The following SHOC2 variants were observed in gnomAD, a reference collection of about 807,000 sequenced individuals.
The protein encoded by SHOC2 is SHOC2 leucine rich repeat scaffold protein, also known as leucine-rich repeat protein SHOC-2.
A neutral mutation model predicts 50.2 loss-of-function variants in SHOC2; 4 were observed. That is an observed-to-expected ratio of 0.08 (90% CI 0.04 to 0.18). The LOEUF is 0.18. SHOC2 is among the 10% of genes least tolerant of loss of function. The pLI is 1.00. For synonymous variants in SHOC2, 218 were observed against 244.5 expected, an observed-to-expected ratio of 0.89 and a Z score of 1.01; for missense variants, 388 against 669.6, an observed-to-expected ratio of 0.58 and a Z score of 4.64.
intron 1 of SHOC2, among the ~76,000 whole-genome samples, chr10:110,924,263 G>A (rs1215262689): frequency 3.3e-5 from 5 of 152,086 alleles, no homozygotes; most frequent in South Asian, 2.1e-4. Flanking sequence ...TGCATGAACC[G>A]GACAAGTCAA....
chr10:110,934,339 A>T (rs1449404376), intron 1 of SHOC2, among the ~76,000 whole-genome samples: 1 of 152,218 alleles, frequency 6.6e-6, no homozygotes, highest in African/African-American at 2.4e-5. Flanking sequence ...TCAGTTGATA[A>T]TAGGAATGAT....
At chr10:110,944,537 A>G (rs535140307) in intron 1 of SHOC2, among the ~76,000 whole-genome samples, 2 of 152,200 alleles carry the variant, frequency 1.3e-5, no homozygotes, top group Non-Finnish European at 2.9e-5. Flanking sequence ...TGAAAATTAC[A>G]TTTGGACATT....
chr10:110,927,950 A>T (rs1846809525), intron 1 of SHOC2, among the ~76,000 whole-genome samples: 1 of 152,210 alleles, frequency 6.6e-6, no homozygotes, highest in African/African-American at 2.4e-5. Context: ...AAAGTTTGAT[A>T]ACTCTGATAT....
At position 110,951,283 on chromosome 10, in the gene SHOC2, C is replaced by T. The variant is rs113302222; in HGVS notation, c.-234-12842C>T. Among the ~76,000 whole-genome samples, 447 of 152,230 alleles carry T rather than the reference C, an allele frequency of 2.9e-3. 2 individuals carry two copies. The highest frequency in any genetic ancestry group is 9.2e-3 in the African/African-American group (383 of 41,548). ...ATCAGGTATGTGAAAAAATGCTCAA[C>T]GTCATTAATCATCAGGGAAATGCAA... On this transcript the variant is annotated intron_variant, in intron 1 of 8. Coordinates refer to ENST00000369452, the MANE Select transcript of SHOC2 (RefSeq NM_007373.4).
At chr10:110,920,340 A>G (rs980372264) in intron 1 of SHOC2, among the ~76,000 whole-genome samples, 12 of 152,096 alleles carry the variant, frequency 7.9e-5, no homozygotes, top group Admixed American at 3.3e-4. Flanking sequence ...GCTTTTAGGG[A>G]GAGAGGAAAA....
chr10:110,968,224 T>C (rs1847715017), intron 2 of SHOC2, among the ~76,000 whole-genome samples: 1 of 152,194 alleles, frequency 6.6e-6, no homozygotes, highest in South Asian at 2.1e-4. Flanking sequence ...TATATATTTG[T>C]TTTTAATTCT....
At chr10:110,920,901 C>A (rs139227595) in intron 1 of SHOC2, among the ~76,000 whole-genome samples, 1 of 152,146 alleles carries the variant, frequency 6.6e-6, no homozygotes, top group Non-Finnish European at 1.5e-5. Flanking sequence ...TCTTAGATAC[C>A]GAGTGCGTCT....
intron 1 of SHOC2, among the ~76,000 whole-genome samples, chr10:110,956,688 C>G (rs1310722160): frequency 6.6e-6 from 1 of 152,058 alleles, no homozygotes; most frequent in African/African-American, 2.4e-5. Context: ...TGTTTTAAAT[C>G]TTACATTTAT....
rs192115374 is a variant in SHOC2, at chr10:110,953,470, T to C, written c.-234-10655T>C. Among the ~76,000 whole-genome samples, 484 of 152,314 alleles carry C rather than the reference T, an allele frequency of 3.2e-3. 26 individuals carry two copies. In the South Asian group the frequency reaches 0.092, roughly 29 times the overall value. The stretch of plus-strand genomic sequence containing the variant: ...TGTGTCTTTTTGTGGCTTGATAGCT[T>C]ATTTCATTTTAGCGCTGATTAATAT... On this transcript the variant is annotated intron_variant, in intron 1 of 8. Coordinates refer to ENST00000369452, the MANE Select transcript of SHOC2 (RefSeq NM_007373.4).
intron 1 of SHOC2, among the ~76,000 whole-genome samples, chr10:110,963,482 A>G (rs1246381498): frequency 6.6e-6 from 1 of 152,074 alleles, no homozygotes. Context: ...GCTGTTTTTC[A>G]TACATATTTC....
chr10:111,012,824 A>T lies in SHOC2; in HGVS notation c.*1006A>T, dbSNP rs1345831053. The T allele has an allele frequency of 1.3e-5, 2 of 152,610 alleles. No individual in the cohort carries two copies. The highest frequency in any genetic ancestry group is 2.9e-5 in the Non-Finnish European group (2 of 68,012). The allele number at this position is 152,610 out of a possible 1,614,324, so 9.5% of individuals were successfully genotyped here. A position where few individuals can be genotyped will look rare whatever the true frequency, so the allele number is the denominator to read the frequency against. On this transcript the variant is annotated 3_prime_UTR_variant, in exon 9 of 9. Coordinates refer to ENST00000369452, the MANE Select transcript of SHOC2 (RefSeq NM_007373.4). Reference sequence around the variant, plus strand: ...TGAATGTCTTTCTTTGAAAACTGCAATGTATGTATGTTTCAAGGTTATTTA... The same window carrying T: ...TGAATGTCTTTCTTTGAAAACTGCATTGTATGTATGTTTCAAGGTTATTTA...
At chr10:110,940,910 G>GTTTTTTTTTTTTTTTTTTTTT (rs539552844) in intron 1 of SHOC2, among the ~76,000 whole-genome samples, 4 of 119,502 alleles carry the variant, frequency 3.3e-5, no homozygotes, top group Non-Finnish European at 5.1e-5. Flanking sequence ...TTTGTGGTGG[G>GTTTTTTTTTTTTTTTTTTTTT]TTTTTTTTTT....
intron 1 of SHOC2, among the ~76,000 whole-genome samples, chr10:110,937,489 T>C (rs1246988281): frequency 6.6e-6 from 1 of 152,228 alleles, no homozygotes; most frequent in Admixed American, 6.5e-5. Flanking sequence ...GACCCTCTCA[T>C]ATGTTATGGT....
rs575668535 is a variant in SHOC2, at chr10:110,965,164, T to G, written c.703+103T>G. 6.4e-5 allele frequency: 64 copies of G among 994,658 alleles called. No homozygotes were observed. In the African/African-American group the frequency reaches 9.9e-4, roughly 15 times the overall value. 61.6% of individuals were successfully genotyped at this position (994,658 alleles called of 1,614,324 possible). On this transcript the variant is annotated intron_variant, in intron 2 of 8. Coordinates refer to ENST00000369452, the MANE Select transcript of SHOC2 (RefSeq NM_007373.4). ...TGCCTGATACTTGCCTAAAAACAGCTTATTTCTAAATTACAACTTTTTTAT... is the reference window on the plus strand; with the variant it reads ...TGCCTGATACTTGCCTAAAAACAGCGTATTTCTAAATTACAACTTTTTTAT...
chr10:110,961,505 G>T (rs1027810014), intron 1 of SHOC2, among the ~76,000 whole-genome samples: 2 of 152,184 alleles, frequency 1.3e-5, no homozygotes, highest in Non-Finnish European at 2.9e-5. Context: ...GGTCTGGCTG[G>T]TTAGTTAATT....
At chr10:110,943,566 A>G (rs1195534632) in intron 1 of SHOC2, among the ~76,000 whole-genome samples, 1 of 152,156 alleles carries the variant, frequency 6.6e-6, no homozygotes, top group Non-Finnish European at 1.5e-5. Flanking sequence ...TTAAATTTTC[A>G]TTTACAACTT....
chr10:110,949,377 T>C (rs950321044), intron 1 of SHOC2, among the ~76,000 whole-genome samples: 2 of 152,106 alleles, frequency 1.3e-5, no homozygotes, highest in Non-Finnish European at 2.9e-5. Flanking sequence ...GCATAGCGTC[T>C]ACCAATCATG....
chr10:110,946,757 A>G (rs902088352), intron 1 of SHOC2, among the ~76,000 whole-genome samples: 5 of 152,178 alleles, frequency 3.3e-5, no homozygotes, highest in African/African-American at 1.2e-4. Context: ...GAAAAGCTAG[A>G]CAAGTGTAGG....
intron 2 of SHOC2, among the ~76,000 whole-genome samples, chr10:110,970,841 T>C (rs1847767814): frequency 6.6e-6 from 1 of 152,130 alleles, no homozygotes; most frequent in African/African-American, 2.4e-5. Context: ...TGAGCATTTT[T>C]TCGTATACCT....
Sources: allele counts gnomAD v4.1 joint callset (sites outside exome capture counted in the v4.1 genomes callset), GRCh38; gene constraint gnomAD v4.1.1; transcripts MANE v1.5; gene names NCBI Gene and HGNC (gene_info 2026-07-23, HGNC 2026-07-21).